Variants in FAM171A1 observed in about 807,000 individuals in gnomAD.
The protein encoded by FAM171A1 is family with sequence similarity 171 member A1.
Under a neutral mutation model 74.9 loss-of-function variants are expected in FAM171A1, and 23 were observed. That is an observed-to-expected ratio of 0.31 (90% confidence interval 0.22 to 0.44). The LOEUF is 0.44. FAM171A1 is among the 20% of genes least tolerant of loss of function. FAM171A1 has a pLI of 1.00. For synonymous variants in FAM171A1, 527 were observed against 505.7 expected (o/e 1.04, Z -0.57); for missense variants, 1,162 against 1,159.2 (o/e 1.00, Z -0.03).
chr10:15,284,187 T>A, intron 1 of FAM171A1, 82 bp from the exon 2 acceptor site: 1 of 1,285,896 alleles, frequency 7.8e-7, no homozygotes. Context: ...TGATGGGAAG[T>A]GGAAGGAGGG....
chr10:15,276,543 C>T (rs1468450521), intron 2 of FAM171A1, among the ~76,000 whole-genome samples: 1 of 152,284 alleles, frequency 6.6e-6, no homozygotes, highest in East Asian at 1.9e-4. Context: ...ATCATGTATA[C>T]ACTACATGAA....
At chr10:15,291,291 T>C (rs1451466806) in intron 1 of FAM171A1, among the ~76,000 whole-genome samples, 1 of 152,208 alleles carries the variant, frequency 6.6e-6, no homozygotes, top group Non-Finnish European at 1.5e-5. Flanking sequence ...GCAAAATGAA[T>C]GCTGGGGTGA....
chr10:15,371,452 C>T (rs1207261344), upstream of FAM171A1, among the ~76,000 whole-genome samples: 2 of 151,194 alleles, frequency 1.3e-5, no homozygotes, highest in Non-Finnish European at 3.0e-5. Context: ...GCGCCCCATC[C>T]CCGCAGCCCC....
intron 1 of FAM171A1, among the ~76,000 whole-genome samples, chr10:15,337,201 T>C (rs1835711351): frequency 6.6e-6 from 1 of 152,112 alleles, no homozygotes. Context: ...TTATACAAAA[T>C]AATTCAGGTC....
chr10:15,331,850 T>TAC (rs1564281723), intron 1 of FAM171A1, among the ~76,000 whole-genome samples: 2 of 67,998 alleles, frequency 2.9e-5, no homozygotes, highest in South Asian at 8.3e-4. Flanking sequence ...TGTGTGTATA[T>TAC]ATATGTGTGT....
chr10:15,325,849 G>A (rs943976369), intron 1 of FAM171A1, among the ~76,000 whole-genome samples: 30 of 152,166 alleles, frequency 2.0e-4, no homozygotes, highest in African/African-American at 7.2e-4. Flanking sequence ...GGGTGAAGAT[G>A]AGTCATAGGA....
intron 1 of FAM171A1, among the ~76,000 whole-genome samples, chr10:15,358,754 G>C (rs1238489956): frequency 6.6e-6 from 1 of 152,190 alleles, no homozygotes; most frequent in Non-Finnish European, 1.5e-5. Flanking sequence ...AGGGCAAACA[G>C]GAACCACACA....
At chr10:15,284,231 A>C (rs1429237084) in intron 1 of FAM171A1, 126 bp from the exon 2 acceptor site, 3 of 802,798 alleles carry the variant, frequency 3.7e-6, no homozygotes, top group Non-Finnish European at 5.8e-6. Context: ...CACTCAAAAT[A>C]TGCAGTTTTT....
intron 1 of FAM171A1, among the ~76,000 whole-genome samples, chr10:15,311,986 G>C (rs189546282): frequency 1.2e-4 from 19 of 152,322 alleles, no homozygotes; most frequent in African/African-American, 3.4e-4. Flanking sequence ...TGAGGTATGT[G>C]AGATCAGCCC....
chr10:15,317,715 A>G lies in FAM171A1; in HGVS notation c.98-33610T>C, dbSNP rs776455310. Among the ~76,000 whole-genome samples, 2 of 152,336 alleles carry G rather than the reference A, an allele frequency of 1.3e-5. 1 individual carries two copies. The highest frequency in any genetic ancestry group is 6.8e-3 in the Middle Eastern group (2 of 294). Reference sequence around the variant, plus strand: ...GCCTGCACTGATATTTTATACAGATACATCTGGCATCATGTAATTCATAAA... The same window carrying G: ...GCCTGCACTGATATTTTATACAGATGCATCTGGCATCATGTAATTCATAAA... On this transcript the variant is annotated intron_variant, in intron 1 of 7. Transcript: ENST00000378116.
At chr10:15,231,633 C>T (rs1002059639) in intron 5 of FAM171A1, among the ~76,000 whole-genome samples, 3 of 151,808 alleles carry the variant, frequency 2.0e-5, no homozygotes, top group African/African-American at 7.3e-5. Context: ...GGCAGAGTTG[C>T]CACACCCGCA....
intron 1 of FAM171A1, among the ~76,000 whole-genome samples, chr10:15,356,405 T>A (rs933077275): frequency 2.0e-5 from 3 of 152,088 alleles, no homozygotes; most frequent in African/African-American, 7.2e-5. Flanking sequence ...CAGTTTCTTA[T>A]GAAAGGGAAC....
At chr10:15,228,445 C>G (rs577144846) in intron 5 of FAM171A1, among the ~76,000 whole-genome samples, 1 of 150,036 alleles carries the variant, frequency 6.7e-6, no homozygotes, top group Admixed American at 6.7e-5. Flanking sequence ...TGGGCTCAAG[C>G]GATCCTCCCA....
intron 1 of FAM171A1, among the ~76,000 whole-genome samples, chr10:15,306,301 GA>G (rs1049735916): frequency 1.3e-5 from 2 of 151,284 alleles, no homozygotes; most frequent in African/African-American, 4.8e-5. Context: ...TTGTGCAGAG[GA>G]AAAAATGCTT....
chr10:15,368,349 C>T (rs1038391364), intron 1 of FAM171A1, among the ~76,000 whole-genome samples: 4 of 152,116 alleles, frequency 2.6e-5, no homozygotes, highest in Non-Finnish European at 4.4e-5. Flanking sequence ...CTCATTTAAT[C>T]AAAAAGGTGT....
chr10:15,213,002 G>A lies in FAM171A1; in HGVS notation c.2586C>T (p.Asp862=), dbSNP rs1021872018. 6.8e-6 allele frequency: 11 copies of A among 1,613,768 alleles called. No homozygotes were observed. The highest frequency in any genetic ancestry group is 1.6e-4 in the Middle Eastern group (1 of 6,084). Residue 862 remains aspartate (D), a synonymous_variant, in exon 8 of 8, where the codon GAC becomes GAT. Transcript: ENST00000378116. This position sits in a 1 kb window ranked among gnomAD's most constrained non-coding sequence, Gnocchi z 6.8. The part of the protein sequence containing the change: ...QRRSAHEEEE[D]DDDDDQGEDK... The stretch of plus-strand genomic sequence containing the variant: ...CTTCTCCTTGGTCATCATCATCATC[G>A]TCTTCCTCTTCCTCGTGGGCAGATC...
At chr10:15,333,776 C>T (rs1442500382) in intron 1 of FAM171A1, among the ~76,000 whole-genome samples, 3 of 149,810 alleles carry the variant, frequency 2.0e-5, no homozygotes, top group African/African-American at 7.4e-5. Flanking sequence ...GCAGAGGTTG[C>T]AGTGTAGTGA....
intron 7 of FAM171A1, among the ~76,000 whole-genome samples, chr10:15,215,115 C>T (rs2131702769): frequency 6.6e-6 from 1 of 152,096 alleles, no homozygotes; most frequent in African/African-American, 2.4e-5. Context: ...GTCTGGAGAG[C>T]CCTTTGCCTA....
intron 1 of FAM171A1, among the ~76,000 whole-genome samples, chr10:15,297,392 G>A (rs768611535): frequency 5.1e-4 from 78 of 151,962 alleles, no homozygotes; most frequent in Non-Finnish European, 7.6e-4. Flanking sequence ...TACACATAAC[G>A]TACTCTTTCT....
Sources: gnomAD v4.1 joint callset for allele counts (sites outside exome capture counted in the v4.1 genomes callset) on GRCh38, gnomAD v4.1.1 for gene constraint, Gnocchi (gnomAD v3.1) non-coding constraint, MANE v1.5 for transcripts, NCBI Gene and HGNC (gene_info 2026-07-23, HGNC 2026-07-21) for gene names.